Variants in DCC observed in about 807,000 individuals in gnomAD.
DCC encodes the protein DCC netrin 1 receptor.
Under a neutral mutation model 172.5 loss-of-function variants are expected in DCC, and 58 were observed. The ratio of observed to expected loss-of-function variants is 0.34; its 90% CI spans 0.27 to 0.42. DCC has a LOEUF of 0.42. Among genes scored for constraint, DCC ranks in the 10% least tolerant of loss-of-function variants. The pLI is 1.00. For synonymous variants in DCC, 709 were observed against 644.5 expected (o/e 1.10, Z -1.52); for missense variants, 1,740 against 1,791.0 (o/e 0.97, Z 0.51).
intron 2 of DCC, chr18:52,757,069 G>A (rs1599079267): frequency 6.6e-6 from 1 of 152,150 alleles, no homozygotes; most frequent in South Asian, 2.1e-4. Flanking sequence ...CCTGAATTAA[G>A]TTTTCAAAAA....
chr18:52,545,631 G>A (rs955291388), intron 1 of DCC, among the ~76,000 whole-genome samples: 2 of 152,132 alleles, frequency 1.3e-5, no homozygotes, highest in African/African-American at 2.4e-5. Context: ...CATATACTGA[G>A]GTCCCAGGAG....
intron 1 of DCC, among the ~76,000 whole-genome samples, chr18:52,629,578 G>A (rs1289583038): frequency 6.6e-6 from 1 of 152,154 alleles, no homozygotes; most frequent in Non-Finnish European, 1.5e-5. Flanking sequence ...ACTTTGGGAG[G>A]CTGAAGCGGG....
chr18:52,791,236 T>C (rs2037761472), intron 2 of DCC, among the ~76,000 whole-genome samples: 1 of 152,178 alleles, frequency 6.6e-6, no homozygotes, highest in Non-Finnish European at 1.5e-5. Context: ...TGCAAAGGTC[T>C]AGCAAAAAGG....
At chr18:52,965,350 T>C (rs996348540) in intron 5 of DCC, among the ~76,000 whole-genome samples, 7 of 152,110 alleles carry the variant, frequency 4.6e-5, no homozygotes, top group African/African-American at 7.2e-5. Flanking sequence ...ATTTTTTTTT[T>C]CTTAAAAGGA....
At chr18:52,765,499 T>C (rs1381032240) in intron 2 of DCC, among the ~76,000 whole-genome samples, 1 of 152,160 alleles carries the variant, frequency 6.6e-6, no homozygotes, top group East Asian at 1.9e-4. Context: ...TTCCTCAGAC[T>C]CAGTTCTTGC....
intron 1 of DCC, among the ~76,000 whole-genome samples, chr18:52,604,815 T>A (rs1395275388): frequency 6.9e-6 from 1 of 144,190 alleles, no homozygotes; most frequent in Non-Finnish European, 1.5e-5. Context: ...CAGATTATAC[T>A]TGTGATATGA....
chr18:52,836,997 C>G (rs2038718687), intron 2 of DCC, among the ~76,000 whole-genome samples: 1 of 152,240 alleles, frequency 6.6e-6, no homozygotes, highest in Non-Finnish European at 1.5e-5. Flanking sequence ...TATGCACCCA[C>G]TGGCTCAACA....
At chr18:52,473,732 G>A (rs1989011499) in intron 1 of DCC, among the ~76,000 whole-genome samples, 1 of 152,102 alleles carries the variant, frequency 6.6e-6, no homozygotes, top group Non-Finnish European at 1.5e-5. Context: ...ATAAGACTTG[G>A]GGATTATGGG....
chr18:53,001,633 A>C (rs2041565406), intron 5 of DCC, among the ~76,000 whole-genome samples: 1 of 152,068 alleles, frequency 6.6e-6, no homozygotes, highest in South Asian at 2.1e-4. Context: ...TAAACTGATA[A>C]ATTTCTCTGG....
chr18:52,897,147 T>C (rs535091687), intron 2 of DCC, among the ~76,000 whole-genome samples: 2 of 152,314 alleles, frequency 1.3e-5, no homozygotes, highest in South Asian at 4.1e-4. Context: ...TGGCCGTCTG[T>C]TTCTGGGTCT....
chr18:53,354,785 G>A (rs2057857803), intron 15 of DCC, among the ~76,000 whole-genome samples: 1 of 92,236 alleles, frequency 1.1e-5, no homozygotes, highest in East Asian at 2.4e-4. Context: ...TGTCAATTTT[G>A]GCTTTTGTTG....
chr18:52,448,372 G>A (rs2144510474), intron 1 of DCC, among the ~76,000 whole-genome samples: 1 of 152,282 alleles, frequency 6.6e-6, no homozygotes, highest in East Asian at 1.9e-4. Context: ...CAACCTTGAA[G>A]ATAGAATAAT....
chr18:52,955,351 T>C lies in DCC; in HGVS notation c.985+29981T>C, dbSNP rs947361335. 1.3e-4 allele frequency among the ~76,000 whole-genome samples: 19 copies of C among 151,818 alleles called. 1 individual carries two copies. The highest frequency in any genetic ancestry group is 2.0e-4 in the Admixed American group (3 of 15,200). ...AATTGGCTTCTTTCACTTAGTAATA[T>C]GCATTTAAGTTGCTGTATGAGTTTA... On this transcript the variant is annotated intron_variant, in intron 5 of 28. Transcript: ENST00000442544.
At chr18:53,267,345 C>G (rs1316869655) in intron 12 of DCC, among the ~76,000 whole-genome samples, 1 of 152,048 alleles carries the variant, frequency 6.6e-6, no homozygotes. Flanking sequence ...TGCCACCATG[C>G]CTAACTAACT....
intron 12 of DCC, among the ~76,000 whole-genome samples, chr18:53,257,134 G>T (rs992024787): frequency 8.5e-5 from 13 of 152,130 alleles, no homozygotes; most frequent in Admixed American, 8.5e-4. Context: ...GGGTTTTCTA[G>T]ATGTACAATC....
chr18:53,003,931 T>C (rs925819793), intron 5 of DCC, among the ~76,000 whole-genome samples: 6 of 152,140 alleles, frequency 3.9e-5, no homozygotes, highest in African/African-American at 1.4e-4. Flanking sequence ...AGGCTTTTAA[T>C]TTTTTTGTAT....
chr18:53,065,240 A>G (rs1191513662), intron 6 of DCC, among the ~76,000 whole-genome samples: 1 of 152,172 alleles, frequency 6.6e-6, no homozygotes, highest in African/African-American at 2.4e-5. Context: ...CCATGAGGTA[A>G]TATTTATCTC....
intron 2 of DCC, among the ~76,000 whole-genome samples, chr18:52,796,650 C>T (rs964155227): frequency 1.3e-5 from 2 of 152,198 alleles, no homozygotes; most frequent in Non-Finnish European, 2.9e-5. Flanking sequence ...ATTCCATTTT[C>T]TCCTGACCTG....
intron 1 of DCC, among the ~76,000 whole-genome samples, chr18:52,386,779 C>A (rs1253271536): frequency 6.6e-6 from 1 of 152,046 alleles, no homozygotes; most frequent in Non-Finnish European, 1.5e-5. Flanking sequence ...TATATAATTT[C>A]TAATATATTA....
Sources: allele counts gnomAD v4.1 joint callset (sites outside exome capture counted in the v4.1 genomes callset), GRCh38; gene constraint gnomAD v4.1.1; transcripts MANE v1.5; gene names NCBI Gene and HGNC (gene_info 2026-07-23, HGNC 2026-07-21).